CSNK2A2IP: variants seen among roughly 807,000 people sequenced by gnomAD.
The protein encoded by CSNK2A2IP is casein kinase II subunit alpha'-interacting protein.
At chr3:88,411,268 G>T in the CSNK2A2IP span, among the ~76,000 whole-genome samples, 1 of 151,756 alleles carries the variant, frequency 6.6e-6, no homozygotes, top group African/African-American at 2.4e-5. Context: ...AGGCCATCTT[G>T]TTTCTTCCTA....
chr3:88,463,035 G>T, the CSNK2A2IP span, among the ~76,000 whole-genome samples: 439 of 152,222 alleles, frequency 2.9e-3, 2 homozygotes, highest in African/African-American at 9.9e-3. Flanking sequence ...AGTTACTATG[G>T]GAAAAGTCAC....
chr3:88,382,330 T>G, the CSNK2A2IP span, among the ~76,000 whole-genome samples: 1 of 152,158 alleles, frequency 6.6e-6, no homozygotes, highest in Non-Finnish European at 1.5e-5. Flanking sequence ...GACATGAGTC[T>G]GTGATACAGT....
chr3:88,403,875 TG>T, the CSNK2A2IP span, among the ~76,000 whole-genome samples: 1 of 152,096 alleles, frequency 6.6e-6, no homozygotes, highest in African/African-American at 2.4e-5. Flanking sequence ...CAAAGAAATC[TG>T]GAAATTGATA....
the CSNK2A2IP span, among the ~76,000 whole-genome samples, chr3:88,401,525 G>T: frequency 6.6e-6 from 1 of 152,072 alleles, no homozygotes; most frequent in Non-Finnish European, 1.5e-5. Flanking sequence ...ACCCCTTGCA[G>T]AAAATTTAAT....
At chr3:88,365,699 C>T in the CSNK2A2IP span, among the ~76,000 whole-genome samples, 1 of 152,062 alleles carries the variant, frequency 6.6e-6, no homozygotes, top group Non-Finnish European at 1.5e-5. Flanking sequence ...AGTTCCTTCA[C>T]CAGTGATAGA....
At chr3:88,429,479 T>C in the CSNK2A2IP span, among the ~76,000 whole-genome samples, 2 of 152,072 alleles carry the variant, frequency 1.3e-5, no homozygotes, top group Non-Finnish European at 2.9e-5. Context: ...TTTTAATCTC[T>C]CTAACGTGGT....
chr3:88,350,990 T>C, the CSNK2A2IP span, among the ~76,000 whole-genome samples: 1 of 152,126 alleles, frequency 6.6e-6, no homozygotes, highest in Non-Finnish European at 1.5e-5. Flanking sequence ...ATAGAAAATG[T>C]AATTTGAAAC....
the CSNK2A2IP span, among the ~76,000 whole-genome samples, chr3:88,446,036 TTCTTTCTTTC>T: frequency 7.1e-5 from 1 of 14,054 alleles, no homozygotes; most frequent in South Asian, 2.2e-3. Context: ...TTTCTTTTCT[TTCTTTCTTTC>T]TTTCTTTCTT....
At chr3:88,415,086 G>A in the CSNK2A2IP span, among the ~76,000 whole-genome samples, 2 of 151,618 alleles carry the variant, frequency 1.3e-5, no homozygotes, top group African/African-American at 2.4e-5. Context: ...AAGCCACATA[G>A]CAAAACAGTA....
At chr3:88,453,319 G>A in the CSNK2A2IP span, among the ~76,000 whole-genome samples, 2 of 152,082 alleles carry the variant, frequency 1.3e-5, no homozygotes, top group African/African-American at 4.8e-5. Flanking sequence ...AGTTTGGCAG[G>A]CAGGGGTTGA....
At chr3:88,345,603 C>T in the CSNK2A2IP span, among the ~76,000 whole-genome samples, 1 of 151,814 alleles carries the variant, frequency 6.6e-6, no homozygotes, top group Non-Finnish European at 1.5e-5. Context: ...TGTGATTAGG[C>T]CTCTTTGATG....
the CSNK2A2IP span, among the ~76,000 whole-genome samples, chr3:88,356,890 T>C: frequency 9.9e-5 from 15 of 152,214 alleles, no homozygotes; most frequent in African/African-American, 3.6e-4. Context: ...GCCTTTTTTA[T>C]GTCCTCTTTT....
At chr3:88,363,965 G>A in the CSNK2A2IP span, among the ~76,000 whole-genome samples, 1 of 152,120 alleles carries the variant, frequency 6.6e-6, no homozygotes, top group Non-Finnish European at 1.5e-5. Context: ...CTCTCTGCAT[G>A]ATACTTGGGG....
chr3:88,443,901 A>AT, the CSNK2A2IP span, among the ~76,000 whole-genome samples: 1 of 152,074 alleles, frequency 6.6e-6, no homozygotes, highest in African/African-American at 2.4e-5. Flanking sequence ...TAAAAAAAAA[A>AT]ATAAAAGTGT....
At chr3:88,417,275 C>A in the CSNK2A2IP span, among the ~76,000 whole-genome samples, 1 of 152,152 alleles carries the variant, frequency 6.6e-6, no homozygotes, top group African/African-American at 2.4e-5. Context: ...TTTACTGCCT[C>A]TGTGCCTTGA....
chr3:88,344,634 C>T, the CSNK2A2IP span, among the ~76,000 whole-genome samples: 1 of 151,918 alleles, frequency 6.6e-6, no homozygotes, highest in Non-Finnish European at 1.5e-5. Context: ...TAATATAAAA[C>T]TGACAGTCAT....
At chr3:88,360,118 G>C in the CSNK2A2IP span, among the ~76,000 whole-genome samples, 26 of 148,946 alleles carry the variant, frequency 1.7e-4, no homozygotes, top group African/African-American at 5.4e-4. Context: ...GACTTTCTTC[G>C]TCTTTTTAAA....
At chr3:88,464,557 G>C in the CSNK2A2IP span, among the ~76,000 whole-genome samples, 1 of 151,900 alleles carries the variant, frequency 6.6e-6, no homozygotes, top group East Asian at 1.9e-4. Flanking sequence ...CTTTAAAAGG[G>C]TATAGTCAAA....
the CSNK2A2IP span, among the ~76,000 whole-genome samples, chr3:88,340,957 C>A: frequency 6.6e-6 from 1 of 151,844 alleles, no homozygotes; most frequent in Non-Finnish European, 1.5e-5. Context: ...CAGGCCTGAA[C>A]AAATATTATT....
Sources: allele counts gnomAD v4.1 joint callset (sites outside exome capture counted in the v4.1 genomes callset), GRCh38; gene constraint gnomAD v4.1.1; transcripts MANE v1.5; gene names NCBI Gene and HGNC (gene_info 2026-07-23, HGNC 2026-07-21).